PTPRK: variants seen among roughly 807,000 people sequenced by gnomAD.
PTPRK encodes the protein receptor-type tyrosine-protein phosphatase kappa.
PTPRK carries 75 observed loss-of-function variants against 178.0 expected under a neutral mutation model. That is an observed-to-expected ratio of 0.42 (90% CI 0.35 to 0.51). The LOEUF (loss-of-function observed/expected upper bound fraction) is 0.51. Ranked by LOEUF, PTPRK falls within the 20% of genes least tolerant of loss-of-function variation. PTPRK has a pLI of 0.02. For missense variants in PTPRK, 1,441 were observed against 1,797.8 expected (o/e 0.80, Z 3.59); for synonymous variants, 637 against 620.6 (o/e 1.03, Z -0.39).
At chr6:128,100,562 T>C (rs1435193352) in intron 7 of PTPRK, among the ~76,000 whole-genome samples, 1 of 152,022 alleles carries the variant, frequency 6.6e-6, no homozygotes, top group African/African-American at 2.4e-5. Flanking sequence ...TGTCAAAATC[T>C]CACCTTTCTC....
intron 5 of PTPRK, among the ~76,000 whole-genome samples, chr6:128,234,351 G>A (rs1261395525): frequency 1.3e-5 from 2 of 152,050 alleles, no homozygotes; most frequent in African/African-American, 2.4e-5. Context: ...TCTTATTCAG[G>A]TAAACATAAT....
chr6:128,387,084 A>G (rs913185515), intron 2 of PTPRK, among the ~76,000 whole-genome samples: 1 of 152,098 alleles, frequency 6.6e-6, no homozygotes, highest in African/African-American at 2.4e-5. Flanking sequence ...TAAATAAATA[A>G]ATCAGACAAA....
intron 7 of PTPRK, among the ~76,000 whole-genome samples, chr6:128,124,846 T>C (rs1339037637): frequency 6.6e-6 from 1 of 152,206 alleles, no homozygotes; most frequent in African/African-American, 2.4e-5. Flanking sequence ...CTGCAACATT[T>C]GCCCTTAAAA....
At chr6:128,228,153 A>T (rs1286559254) in intron 5 of PTPRK, among the ~76,000 whole-genome samples, 1 of 152,030 alleles carries the variant, frequency 6.6e-6, no homozygotes, top group Non-Finnish European at 1.5e-5. Context: ...AGAGAGGGAA[A>T]AAAAAGAAAT....
rs190477560 is a variant in PTPRK at position 128,143,229 on chromosome 6, C to A, written c.1162+41203G>T. On this transcript the variant is annotated intron_variant, in intron 7 of 29. Transcript: ENST00000368226. ...AATATAATAACTCAGCAACTCCCCA[C>A]CCTTTCCATTCTCCCAGTACTTTGA... Among the ~76,000 whole-genome samples the A allele has an allele frequency of 9.9e-5, 15 of 152,196 alleles. No homozygotes were observed. In the East Asian group the frequency reaches 2.9e-3, roughly 29 times the overall value.
At chr6:128,030,885 T>C (rs1165508087) in intron 13 of PTPRK, among the ~76,000 whole-genome samples, 1 of 152,202 alleles carries the variant, frequency 6.6e-6, no homozygotes, top group Non-Finnish European at 1.5e-5. Context: ...GTTACGAACA[T>C]CTGAGTATTG....
chr6:128,440,515 G>A (rs190041801), intron 1 of PTPRK, among the ~76,000 whole-genome samples: 16 of 152,218 alleles, frequency 1.1e-4, no homozygotes, highest in Middle Eastern at 3.4e-3. Flanking sequence ...CATACTAAAT[G>A]CAATATAGTG....
chr6:128,366,964 C>T (rs889692428), intron 2 of PTPRK, among the ~76,000 whole-genome samples: 1 of 152,082 alleles, frequency 6.6e-6, no homozygotes, highest in African/African-American at 2.4e-5. Context: ...AGATAGATAT[C>T]TTCATAGAAA....
chr6:128,230,507 C>A (rs1583591779), intron 5 of PTPRK, among the ~76,000 whole-genome samples: 1 of 152,232 alleles, frequency 6.6e-6, no homozygotes, highest in East Asian at 1.9e-4. Flanking sequence ...AGCTCTCTTT[C>A]TTGTCCTGTG....
At chr6:128,049,876 C>A (rs1425592552) in intron 13 of PTPRK, among the ~76,000 whole-genome samples, 2 of 152,178 alleles carry the variant, frequency 1.3e-5, no homozygotes, top group Non-Finnish European at 2.9e-5. Flanking sequence ...GTGGCTCACG[C>A]CTGTAATCCC....
At chr6:128,428,911 T>G (rs891736531) in intron 1 of PTPRK, among the ~76,000 whole-genome samples, 6 of 152,252 alleles carry the variant, frequency 3.9e-5, no homozygotes, top group Admixed American at 1.3e-4. Flanking sequence ...CAGATGACTT[T>G]GCCCAACTGT....
At chr6:128,266,723 GCT>G (rs1819010297) in intron 3 of PTPRK, among the ~76,000 whole-genome samples, 1 of 152,058 alleles carries the variant, frequency 6.6e-6, no homozygotes, top group Non-Finnish European at 1.5e-5. Context: ...TCCAAGCAAA[GCT>G]CACAGGGAGT....
chr6:128,123,339 A>T (rs541125805), intron 7 of PTPRK, among the ~76,000 whole-genome samples: 46 of 152,302 alleles, frequency 3.0e-4, no homozygotes, highest in African/African-American at 8.2e-4. Flanking sequence ...GGTTGTTTCA[A>T]TTCACCCAGT....
intron 7 of PTPRK, among the ~76,000 whole-genome samples, chr6:128,136,896 T>G (rs1424886749): frequency 1.3e-5 from 2 of 152,156 alleles, no homozygotes; most frequent in Admixed American, 1.3e-4. Context: ...AACCCCAGAA[T>G]CTATCCTCTA....
chr6:127,976,636 A>G (rs1211936124), intron 27 of PTPRK, 21 bp downstream of exon 27: 25 of 1,613,610 alleles, frequency 1.5e-5, no homozygotes, highest in Non-Finnish European at 1.9e-5. Flanking sequence ...GATCAGCTCA[A>G]AGGATCCGAT....
intron 1 of PTPRK, among the ~76,000 whole-genome samples, chr6:128,508,715 G>A (rs889608558): frequency 7.2e-5 from 11 of 151,934 alleles, no homozygotes; most frequent in East Asian, 1.9e-4. Context: ...AGGCTGAGGC[G>A]GCAGGTCACC....
chr6:128,358,970 A>C (rs1478910861), intron 2 of PTPRK, among the ~76,000 whole-genome samples: 2 of 152,198 alleles, frequency 1.3e-5, no homozygotes, highest in Admixed American at 1.3e-4. Flanking sequence ...AACAGCTTTT[A>C]CTTATGTGAT....
At position 128,083,705 on chromosome 6, in the gene PTPRK, C is replaced by G. The variant is rs1454260195; in HGVS notation, c.1575+10G>C. On this transcript the variant is annotated intron_variant, in intron 9 of 29. Coordinates refer to ENST00000368226, the MANE Select transcript of PTPRK (RefSeq NM_002844.4). ...CCACATTTCAATTAACTTCCTTGTT[C>G]TCCCAATACCTCATATTGAGTGATG... is the stretch of plus-strand genomic sequence containing the variant. 3 of 1,501,590 alleles carry G rather than the reference C, an allele frequency of 2.0e-6. No individual in the cohort carries two copies. The highest frequency in any genetic ancestry group is 2.7e-6 in the Non-Finnish European group (3 of 1,097,706). The allele number at this position is 1,501,590 out of a possible 1,614,324, so 93.0% of individuals were successfully genotyped here.
intron 1 of PTPRK, among the ~76,000 whole-genome samples, chr6:128,419,608 T>C (rs1368364582): frequency 6.9e-6 from 1 of 144,962 alleles, no homozygotes; most frequent in African/African-American, 2.6e-5. Context: ...CGAGACTCCG[T>C]CTCAAAAAAA....
Sources: allele counts gnomAD v4.1 joint callset (sites outside exome capture counted in the v4.1 genomes callset), GRCh38; gene constraint gnomAD v4.1.1; transcripts MANE v1.5; gene names NCBI Gene and HGNC (gene_info 2026-07-23, HGNC 2026-07-21).